CAP2: variants seen among roughly 807,000 people sequenced by gnomAD.
CAP2 encodes adenylyl cyclase-associated protein 2.
CAP2 carries 24 observed loss-of-function variants against 57.7 expected under a neutral mutation model. That is an observed-to-expected ratio of 0.42 (90% CI 0.30 to 0.58). The LOEUF is 0.58. CAP2 is among the 20% of genes least tolerant of loss of function. The probability of loss-of-function intolerance (pLI) is 0.22; values close to 1 mark genes in which losing one functional copy is unlikely to be tolerated. For synonymous variants in CAP2, 194 were observed against 207.2 expected (o/e 0.94, Z 0.55); for missense variants, 501 against 590.3 (o/e 0.85, Z 1.57).
At chr6:17,424,593 A>G (rs1201312371) in intron 2 of CAP2, among the ~76,000 whole-genome samples, 1 of 152,148 alleles carries the variant, frequency 6.6e-6, no homozygotes, top group Non-Finnish European at 1.5e-5. Flanking sequence ...AATGCGACAA[A>G]CACTGTGCTA....
At chr6:17,426,487 G>A (rs571655561) in intron 2 of CAP2, 103 bp from the exon 3 acceptor site, 26 of 784,734 alleles carry the variant, frequency 3.3e-5, no homozygotes, top group African/African-American at 2.4e-4. Flanking sequence ...TGCCTGCCTC[G>A]GACTCCCAAA....
At chr6:17,471,973 T>G (rs1761031663) in intron 4 of CAP2, among the ~76,000 whole-genome samples, 1 of 152,200 alleles carries the variant, frequency 6.6e-6, no homozygotes, top group Non-Finnish European at 1.5e-5. Context: ...GTGACTCACT[T>G]TATGAGCTTT....
chr6:17,495,716 C>T (rs904385334), intron 4 of CAP2, among the ~76,000 whole-genome samples: 15 of 152,056 alleles, frequency 9.9e-5, no homozygotes, highest in African/African-American at 3.1e-4. Context: ...GTTCATTGGC[C>T]GTGAGTGTGT....
intron 3 of CAP2, among the ~76,000 whole-genome samples, chr6:17,439,824 C>T (rs1042275315): frequency 3.3e-5 from 5 of 151,462 alleles, no homozygotes; most frequent in Non-Finnish European, 7.3e-5. Context: ...AAGCTCCAGT[C>T]ACTTGCTTGC....
At chr6:17,529,258 C>T (rs557826424) in intron 7 of CAP2, among the ~76,000 whole-genome samples, 2 of 152,220 alleles carry the variant, frequency 1.3e-5, no homozygotes, top group East Asian at 1.9e-4. Flanking sequence ...TGGAAATTAA[C>T]AAATTTGGAA....
At chr6:17,501,347 C>T in intron 4 of CAP2, among the ~76,000 whole-genome samples, 1 of 152,262 alleles carries the variant, frequency 6.6e-6, no homozygotes, top group African/African-American at 2.4e-5. Context: ...TGAACACCAA[C>T]TTTTAGCACT....
intron 3 of CAP2, among the ~76,000 whole-genome samples, chr6:17,450,309 C>CA: frequency 6.6e-6 from 1 of 152,336 alleles, no homozygotes; most frequent in South Asian, 2.1e-4. Context: ...TCTCGGCCCC[C>CA]AAAGTGCTGG....
chr6:17,419,169 G>A (rs1269611907), intron 1 of CAP2, among the ~76,000 whole-genome samples: 1 of 152,178 alleles, frequency 6.6e-6, no homozygotes, highest in Non-Finnish European at 1.5e-5. Context: ...AAATGGCAGT[G>A]GCACGTCATC....
At chr6:17,515,149 A>C (rs1474532781) in intron 7 of CAP2, among the ~76,000 whole-genome samples, 1 of 151,976 alleles carries the variant, frequency 6.6e-6, no homozygotes, top group Non-Finnish European at 1.5e-5. Context: ...GTGAGCCAAG[A>C]TAGTGCCACT....
At chr6:17,554,935 C>T (rs1419499940) in intron 12 of CAP2, among the ~76,000 whole-genome samples, 3 of 152,156 alleles carry the variant, frequency 2.0e-5, no homozygotes, top group Admixed American at 6.5e-5. Flanking sequence ...TTTGTCTGTA[C>T]GTGTGTGTAC....
intron 6 of CAP2, among the ~76,000 whole-genome samples, chr6:17,509,212 T>C (rs1762076916): frequency 6.6e-6 from 1 of 152,060 alleles, no homozygotes; most frequent in Non-Finnish European, 1.5e-5. Flanking sequence ...TAATTAATAT[T>C]ACATATTCAA....
chr6:17,490,893 C>T (rs1195248240), intron 4 of CAP2, among the ~76,000 whole-genome samples: 7 of 152,166 alleles, frequency 4.6e-5, no homozygotes, highest in African/African-American at 1.7e-4. Context: ...GCCCTTGTGC[C>T]CTTTGGCTGA....
chr6:17,530,836 TGAGAGCAGG>T, intron 7 of CAP2: 1 of 722,664 alleles, frequency 1.4e-6, no homozygotes, highest in Non-Finnish European at 2.2e-6. Context: ...TTTTTCAGTT[TGAGAGCAGG>T]TACTGTTTAT....
intron 1 of CAP2, among the ~76,000 whole-genome samples, chr6:17,404,296 C>A (rs1430773909): frequency 6.6e-6 from 1 of 151,960 alleles, no homozygotes; most frequent in Non-Finnish European, 1.5e-5. Flanking sequence ...CATAGTAAAA[C>A]TCTATCTCTA....
intron 1 of CAP2, 86 bp from the exon 2 acceptor site, chr6:17,421,469 C>T (rs1311057211): frequency 3.8e-6 from 5 of 1,321,990 alleles, no homozygotes; most frequent in Non-Finnish European, 5.4e-6. Flanking sequence ...GTGTCTTCCT[C>T]CTCGCTGTTG....
chr6:17,419,998 A>G (rs1312984666), intron 1 of CAP2, among the ~76,000 whole-genome samples: 2 of 152,090 alleles, frequency 1.3e-5, no homozygotes, highest in Non-Finnish European at 2.9e-5. Flanking sequence ...CAGCCTCCCA[A>G]GTAGCTGGGA....
chr6:17,504,996 T>C (rs1353955170), intron 4 of CAP2, among the ~76,000 whole-genome samples: 1 of 152,188 alleles, frequency 6.6e-6, no homozygotes, highest in Non-Finnish European at 1.5e-5. Context: ...CAAATGAATA[T>C]CACATATTAC....
At chr6:17,537,471 C>T (rs1243556022) in intron 7 of CAP2, among the ~76,000 whole-genome samples, 1 of 152,110 alleles carries the variant, frequency 6.6e-6, no homozygotes, top group African/African-American at 2.4e-5. Context: ...GCTAGGATTA[C>T]AGGCATGAGC....
At chr6:17,395,687 T>A (rs1204551562) in intron 1 of CAP2, among the ~76,000 whole-genome samples, 1 of 152,228 alleles carries the variant, frequency 6.6e-6, no homozygotes, top group African/African-American at 2.4e-5. Context: ...TTTGAATATT[T>A]CCTAACATCT....
Sources: allele counts gnomAD v4.1 joint callset (sites outside exome capture counted in the v4.1 genomes callset), GRCh38; gene constraint gnomAD v4.1.1; transcripts MANE v1.5; gene names NCBI Gene and HGNC (gene_info 2026-07-23, HGNC 2026-07-21).